The following GPRC5C variants were observed in gnomAD, a reference collection of about 807,000 sequenced individuals.
GPRC5C encodes G protein-coupled receptor class C group 5 member C.
GPRC5C carries 22 observed loss-of-function variants against 31.4 expected under a neutral mutation model. That is an observed-to-expected ratio of 0.70 (90% CI 0.50 to 1.00). The LOEUF (loss-of-function observed/expected upper bound fraction) is 1.00, where lower values mean the gene tolerates loss of function less well. Ranked by LOEUF, GPRC5C falls within the 50% of genes least tolerant of loss-of-function variation. GPRC5C has a pLI of 0.00. For synonymous variants in GPRC5C, 249 were observed against 257.5 expected (o/e 0.97, Z 0.32); for missense variants, 557 against 597.2 (o/e 0.93, Z 0.70).
chr17:74,440,952 G>C lies in GPRC5C; in HGVS notation c.1051+125G>C. On this transcript the variant is annotated intron_variant, in intron 2 of 3. Coordinates refer to ENST00000392627, the MANE Select transcript of GPRC5C (RefSeq NM_022036.4). This position sits in a 1 kb window ranked among gnomAD's most constrained non-coding sequence, Gnocchi z 4.4. ...AGGTTTTCTGTAGTTTTCTGCCTAA[G>C]TGTCTCTAAATTCCATTTAATTTAA... The C allele has an allele frequency of 1.2e-6, 1 of 801,408 alleles. No individual in the cohort carries two copies. Among genetic ancestry groups the C allele is most frequent in the East Asian group, 3.1e-5 (1 of 32,110 alleles). 49.6% of individuals were successfully genotyped at this position (801,408 alleles called of 1,614,324 possible).
In GPRC5C at chr17:74,432,139, G is replaced by C. The variant is rs980967319; in HGVS notation, c.-35G>C. On this transcript the variant is annotated splice_region_variant and 5_prime_UTR_variant, in exon 1 of 4. Transcript: ENST00000392627. ...GGAAAGTACGAGTCGGCTCAGCCTG[G>C]AGGTGAGTCGGGGCGGGGAGGGCCG... 6.2e-7 allele frequency: 1 copy of C among 1,612,212 alleles called. No homozygotes were observed. Among genetic ancestry groups the C allele is most frequent in the Admixed American group, 1.7e-5 (1 of 59,868 alleles).
At chr17:74,449,487 A>G (rs748503054), downstream of GPRC5C, 1 of 571,398 alleles carries the variant, frequency 1.8e-6, no homozygotes, top group Non-Finnish European at 2.9e-6. Flanking sequence ...GAGGCCACCA[A>G]CCTGAAGCAG....
rs1410150133 is a variant in GPRC5C, at chr17:74,440,119, A to C, written c.343A>C (p.Thr115Pro). 6.2e-7 allele frequency: 1 copy of C among 1,613,606 alleles called. No homozygotes were observed. The highest frequency in any genetic ancestry group is 2.2e-5 in the East Asian group (1 of 44,848). ...FACVVKPDFSTCASRRFLFGV... is the reference protein window; with the variant it reads ...FACVVKPDFSPCASRRFLFGV... Reference sequence around the variant, plus strand: ...CTGTGTGGTGAAGCCCGACTTCTCCACCTGTGCCTCTCGGCGCTTCCTCTT... The same window carrying C: ...CTGTGTGGTGAAGCCCGACTTCTCCCCCTGTGCCTCTCGGCGCTTCCTCTT... Residue 115 changes from threonine (T) to proline (P), a missense_variant, in exon 2 of 4, where the codon ACC (threonine) becomes CCC (proline). By Grantham distance (38) the Thr-to-Pro change is conservative (BLOSUM62 -1). Transcript: ENST00000392627. This position sits in a 1 kb window ranked among gnomAD's most constrained non-coding sequence, Gnocchi z 4.4.
In GPRC5C at chr17:74,447,212, A is replaced by T. The variant is rs1280704401; in HGVS notation, c.*184A>T. The T allele has an allele frequency of 5.1e-6, 7 of 1,374,892 alleles. No homozygotes were observed. Among genetic ancestry groups the T allele is most frequent in the African/African-American group, 3.0e-5 (2 of 67,646 alleles). The allele number at this position is 1,374,892 out of a possible 1,614,324, so 85.2% of individuals were successfully genotyped here. On this transcript the variant is annotated 3_prime_UTR_variant, in exon 4 of 4. Transcript: ENST00000392627. ...TCATGGGTGTCCCCACCCACTCCTC[A>T]GTGTTTGTGGAGTCGAGGAGCCAAC...
At position 74,443,895 on chromosome 17, in the gene GPRC5C, C is replaced by G; in HGVS notation, c.1129C>G (p.Leu377Val). ...TGTGTACCAGCCCACTGAGATGGCCCTGATGCACAAAGTTCCGGTAAGTGG... is the reference window on the plus strand; with the variant it reads ...TGTGTACCAGCCCACTGAGATGGCCGTGATGCACAAAGTTCCGGTAAGTGG... ...TSVYQPTEMA[L>V]MHKVPSEGAY... The change falls in exon 3 of 4, where the codon CTG (leucine) becomes GTG (valine). Residue 377 changes from leucine (L) to valine (V), a missense_variant. Transcript: ENST00000392627. 1 of 1,611,696 alleles carries G rather than the reference C, an allele frequency of 6.2e-7. No homozygotes were observed. Among genetic ancestry groups the G allele is most frequent in the South Asian group, 1.1e-5 (1 of 90,954 alleles).
intron 1 of GPRC5C, among the ~76,000 whole-genome samples, chr17:74,435,218 CA>C (rs1162002090): frequency 6.6e-6 from 1 of 150,660 alleles, no homozygotes; most frequent in African/African-American, 2.4e-5. Flanking sequence ...GACTCCGTCT[CA>C]AAAAAAGAAA....
chr17:74,446,006 T>G (rs1296049742), intron 3 of GPRC5C: 2 of 39,328 alleles, frequency 5.1e-5, no homozygotes, highest in Non-Finnish European at 8.0e-5. Context: ...GCCCACCATC[T>G]CTACAAAAAA....
chr17:74,443,449 GGAAGGCGGCC>G, intron 2 of GPRC5C: 1 of 384,426 alleles, frequency 2.6e-6, no homozygotes, highest in South Asian at 2.0e-5. Context: ...TGGCCATCTT[GGAAGGCGGCC>G]GAAGGCCCAT....
chr17:74,440,563 T>G lies in GPRC5C; in HGVS notation c.787T>G (p.Tyr263Asp). 2.5e-6 allele frequency: 4 copies of G among 1,613,880 alleles called. No individual in the cohort carries two copies. The highest frequency in any genetic ancestry group is 3.4e-6 in the Non-Finnish European group (4 of 1,179,938). ...CATATGGGTGGTGTGGATCGTCATG[T>G]ATACTTACGGCAACAAGCAGCACAA... Reference protein sequence around the residue: ...VAIWVVWIVMYTYGNKQHNSP... With the variant: ...VAIWVVWIVMDTYGNKQHNSP... The change falls in exon 2 of 4, where the codon TAT (tyrosine) becomes GAT (aspartate). Residue 263 changes from tyrosine to aspartate, a missense_variant. Coordinates refer to ENST00000392627, the MANE Select transcript of GPRC5C (RefSeq NM_022036.4). This position sits in a 1 kb window ranked among gnomAD's most constrained non-coding sequence, Gnocchi z 4.4.
Position 74,439,758 on chromosome 17 carries a change from G to T in GPRC5C, c.-19G>T. On this transcript the variant is annotated 5_prime_UTR_variant, in exon 2 of 4. Coordinates refer to ENST00000392627, the MANE Select transcript of GPRC5C (RefSeq NM_022036.4). ...TTCTGTCTCTAGGGACCCAACCAGA[G>T]CCTGGCCTGGGAGCCAGGATGGCCA... The T allele has an allele frequency of 1.2e-6, 2 of 1,607,676 alleles. No homozygotes were observed. The highest frequency in any genetic ancestry group is 1.1e-5 in the South Asian group (1 of 90,774).
chr17:74,447,259 C>A lies in GPRC5C; in HGVS notation c.*231C>A, dbSNP rs2055655445. The A allele has an allele frequency of 7.8e-7, 1 of 1,288,552 alleles. No homozygotes were observed. Among genetic ancestry groups the A allele is most frequent in the Admixed American group, 3.7e-5 (1 of 26,870 alleles). 79.8% of individuals were successfully genotyped at this position (1,288,552 alleles called of 1,614,324 possible). Reference sequence around the variant, plus strand: ...CAACCCCAGCCTCCTGCCAGGATCACCTCGGCGGTCACACTCCAGCCAAAT... The same window carrying A: ...CAACCCCAGCCTCCTGCCAGGATCAACTCGGCGGTCACACTCCAGCCAAAT... On this transcript the variant is annotated 3_prime_UTR_variant, in exon 4 of 4. Transcript: ENST00000392627.
At chr17:74,435,761 G>A (rs1387070005) in intron 1 of GPRC5C, among the ~76,000 whole-genome samples, 2 of 152,222 alleles carry the variant, frequency 1.3e-5, no homozygotes, top group Non-Finnish European at 2.9e-5. Context: ...AGCCAGCAGG[G>A]TACAGGCAAG....
At chr17:74,435,629 G>A (rs2055422103) in intron 1 of GPRC5C, among the ~76,000 whole-genome samples, 1 of 152,208 alleles carries the variant, frequency 6.6e-6, no homozygotes, top group Non-Finnish European at 1.5e-5. Flanking sequence ...TGAAGGGTCA[G>A]GTGCAGAAGG....
At chr17:74,442,609 C>T (rs762439204) in intron 2 of GPRC5C, among the ~76,000 whole-genome samples, 1 of 152,248 alleles carries the variant, frequency 6.6e-6, no homozygotes, top group Non-Finnish European at 1.5e-5. Context: ...GGTTAACAAG[C>T]ACCGGCTCTG....
At chr17:74,450,267 T>A (rs2055700866), downstream of GPRC5C, 2 of 152,250 alleles carry the variant, frequency 1.3e-5, no homozygotes, top group African/African-American at 4.8e-5. Context: ...TGACCCTGAT[T>A]ACCTGGATCT....
intron 3 of GPRC5C, chr17:74,445,560 A>G (rs1045678760): frequency 7.2e-5 from 11 of 152,480 alleles, no homozygotes; most frequent in African/African-American, 2.7e-4. Flanking sequence ...TCCAATGCAC[A>G]CTCATCTGTG....
intron 1 of GPRC5C, among the ~76,000 whole-genome samples, chr17:74,433,104 C>G (rs1413495489): frequency 6.6e-6 from 1 of 152,118 alleles, no homozygotes; most frequent in Non-Finnish European, 1.5e-5. Flanking sequence ...CTTTGCACCT[C>G]CATCCCCAGG....
chr17:74,444,409 C>G (rs1005533846), intron 3 of GPRC5C, among the ~76,000 whole-genome samples: 1 of 152,196 alleles, frequency 6.6e-6, no homozygotes. Flanking sequence ...TTACACCTCC[C>G]CCTGGGTTCT....
At chr17:74,438,582 AG>A (rs2055478318) in intron 1 of GPRC5C, among the ~76,000 whole-genome samples, 1 of 151,470 alleles carries the variant, frequency 6.6e-6, no homozygotes, top group Admixed American at 6.6e-5. Context: ...TGTTTTTTAT[AG>A]AGACGGGGTT....
Sources: allele counts gnomAD v4.1 joint callset (sites outside exome capture counted in the v4.1 genomes callset), GRCh38; gene constraint gnomAD v4.1.1; non-coding constraint Gnocchi (gnomAD v3.1); transcripts MANE v1.5; gene names NCBI Gene and HGNC (gene_info 2026-07-23, HGNC 2026-07-21).